The following ARHGAP28 variants were observed in gnomAD, a reference collection of about 807,000 sequenced individuals.
ARHGAP28 encodes rho GTPase-activating protein 28.
Under a neutral mutation model 90.7 loss-of-function variants are expected in ARHGAP28, and 56 were observed. That is an observed-to-expected ratio of 0.62 (90% confidence interval 0.50 to 0.77). ARHGAP28 has a LOEUF of 0.77. ARHGAP28 is among the 30% of genes least tolerant of loss of function. The pLI is 0.00. For synonymous variants in ARHGAP28, 308 were observed against 323.3 expected (o/e 0.95, Z 0.51); for missense variants, 869 against 900.9 (o/e 0.96, Z 0.45).
rs985054739 is a variant in ARHGAP28, at chr18:6,814,419, C to T, written c.123-10343C>T. Among the ~76,000 whole-genome samples the T allele has an allele frequency of 7.2e-5, 11 of 151,966 alleles. No individual in the cohort carries two copies. In the South Asian group the frequency reaches 1.0e-3, roughly 14 times the overall value. On this transcript the variant is annotated intron_variant, in intron 1 of 17. Transcript: ENST00000383472. ...TATTATTGAATTTTTGGAGCTGAAGCGAGAAAACAGACAAAGGAAACTGAA... is the reference window on the plus strand; with the variant it reads ...TATTATTGAATTTTTGGAGCTGAAGTGAGAAAACAGACAAAGGAAACTGAA...
At chr18:6,894,405 A>G (rs62082856) in intron 14 of ARHGAP28, among the ~76,000 whole-genome samples, 5 of 152,232 alleles carry the variant, frequency 3.3e-5, no homozygotes, top group African/African-American at 1.2e-4. Context: ...TTCCCCTTTA[A>G]CATGAATGTA....
At chr18:6,787,374 T>C (rs1377770589) in intron 1 of ARHGAP28, among the ~76,000 whole-genome samples, 1 of 152,124 alleles carries the variant, frequency 6.6e-6, no homozygotes, top group African/African-American at 2.4e-5. Flanking sequence ...TTTATACTAA[T>C]AATATATCAT....
intron 1 of ARHGAP28, among the ~76,000 whole-genome samples, chr18:6,736,384 A>C (rs996115332): frequency 6.6e-6 from 1 of 151,908 alleles, no homozygotes; most frequent in African/African-American, 2.4e-5. Flanking sequence ...CTCTAAAGAT[A>C]GATTTTCTAA....
At chr18:6,816,924 C>T (rs114675864) in intron 1 of ARHGAP28, among the ~76,000 whole-genome samples, 2,919 of 151,358 alleles carry the variant, frequency 0.019, 94 homozygotes, top group African/African-American at 0.067. Flanking sequence ...CTCATCTGTA[C>T]TAAAAACAAA....
In ARHGAP28 at chr18:6,861,788, T is replaced by A. The variant is rs75704596; in HGVS notation, c.726+1891T>A. ...ATTCTTAGCTGCGAATTTCTTCGCA[T>A]CGTTGGTTCATTCAGTCATTCATTC... On this transcript the variant is annotated intron_variant, in intron 5 of 17. Coordinates refer to ENST00000383472, the MANE Select transcript of ARHGAP28 (RefSeq NM_001366230.1). 9.9e-3 allele frequency among the ~76,000 whole-genome samples: 1,509 copies of A among 152,312 alleles called. 21 individuals carry two copies. Among genetic ancestry groups the A allele is most frequent in the African/African-American group, 0.034 (1,419 of 41,552 alleles).
At chr18:6,776,518 C>G (rs2056285126) in intron 1 of ARHGAP28, among the ~76,000 whole-genome samples, 1 of 152,062 alleles carries the variant, frequency 6.6e-6, no homozygotes, top group Non-Finnish European at 1.5e-5. Flanking sequence ...CTGCTGGTCT[C>G]GAGCTCAAGT....
chr18:6,730,179 A>T (rs1003324497), intron 1 of ARHGAP28: 7 of 323,556 alleles, frequency 2.2e-5, no homozygotes, highest in Non-Finnish European at 3.7e-5. Flanking sequence ...ATTAGCAAGC[A>T]GCAGGATTGC....
intron 16 of ARHGAP28, among the ~76,000 whole-genome samples, chr18:6,908,267 A>G (rs1174273564): frequency 6.6e-6 from 1 of 151,946 alleles, no homozygotes; most frequent in African/African-American, 2.4e-5. Context: ...CCTCCTGGGT[A>G]GCTGGAACTA....
At chr18:6,904,795 A>G (rs1475727784) in intron 16 of ARHGAP28, among the ~76,000 whole-genome samples, 1 of 152,190 alleles carries the variant, frequency 6.6e-6, no homozygotes, top group Non-Finnish European at 1.5e-5. Context: ...TTACTGTAAC[A>G]ACTTTATAGC....
At chr18:6,827,982 T>C (rs554314660) in intron 2 of ARHGAP28, among the ~76,000 whole-genome samples, 3 of 152,030 alleles carry the variant, frequency 2.0e-5, no homozygotes, top group East Asian at 2.0e-4. Context: ...CTCGGCACTT[T>C]GGGAGGCCAA....
chr18:6,780,894 CAA>C (rs56272373), intron 1 of ARHGAP28, among the ~76,000 whole-genome samples: 70 of 102,354 alleles, frequency 6.8e-4, no homozygotes, highest in Non-Finnish European at 7.4e-4. Context: ...ACTCCGTCTC[CAA>C]AAAAAAAAAA....
intron 1 of ARHGAP28, among the ~76,000 whole-genome samples, chr18:6,759,055 T>A (rs1033098624): frequency 6.6e-6 from 1 of 152,212 alleles, no homozygotes; most frequent in Admixed American, 6.5e-5. Flanking sequence ...ATACTTAGTA[T>A]GTATGGAGTG....
chr18:6,757,910 G>T (rs1465913764), intron 1 of ARHGAP28, among the ~76,000 whole-genome samples: 5 of 152,110 alleles, frequency 3.3e-5, no homozygotes, highest in Non-Finnish European at 7.4e-5. Flanking sequence ...AGATAAATGA[G>T]CTCTGCCCTT....
In ARHGAP28 at chr18:6,869,250, A is replaced by AT. The variant is rs2057062449; in HGVS notation, c.811+1018dup. 6.0e-4 allele frequency among the ~76,000 whole-genome samples: 62 copies of AT among 103,812 alleles called. 4 individuals are homozygous for AT. The highest frequency in any genetic ancestry group is 6.7e-4 in the Admixed American group (6 of 8,992). The allele number at this position is 103,812 out of a possible 152,430, so 68.1% of individuals were successfully genotyped here. A position where few individuals can be genotyped will look rare whatever the true frequency, so the allele number is the denominator to read the frequency against. On this transcript the variant is annotated intron_variant, in intron 6 of 17. Transcript: ENST00000383472. ...GGAGCATCATAGCTCTCCTTTTGCCATTCTTTTTTTTTTTTTTTTTTTTTT... is the reference window on the plus strand; with the variant it reads ...GGAGCATCATAGCTCTCCTTTTGCCATTTCTTTTTTTTTTTTTTTTTTTTTT...
At chr18:6,861,582 G>T (rs759284077) in intron 5 of ARHGAP28, among the ~76,000 whole-genome samples, 11 of 152,118 alleles carry the variant, frequency 7.2e-5, no homozygotes, top group Admixed American at 6.6e-5. Context: ...ACAAGCAGCA[G>T]CACAGGACTG....
intron 1 of ARHGAP28, among the ~76,000 whole-genome samples, chr18:6,741,218 CTG>C (rs2055974638): frequency 6.6e-6 from 1 of 152,050 alleles, no homozygotes; most frequent in Non-Finnish European, 1.5e-5. Flanking sequence ...AAAGAGCTGA[CTG>C]TAAGTTTCCA....
chr18:6,804,424 T>C (rs2056504180), intron 1 of ARHGAP28, among the ~76,000 whole-genome samples: 1 of 152,156 alleles, frequency 6.6e-6, no homozygotes, highest in East Asian at 1.9e-4. Flanking sequence ...TTCTGTTTTC[T>C]GCTTCATTGT....
chr18:6,800,001 C>G (rs2056470361), intron 1 of ARHGAP28, among the ~76,000 whole-genome samples: 1 of 151,888 alleles, frequency 6.6e-6, no homozygotes, highest in South Asian at 2.1e-4. Context: ...TACAAAGAAC[C>G]TAAGGAAACT....
At chr18:6,861,352 T>A (rs1435335595) in intron 5 of ARHGAP28, among the ~76,000 whole-genome samples, 2 of 152,226 alleles carry the variant, frequency 1.3e-5, no homozygotes, top group African/African-American at 4.8e-5. Flanking sequence ...CTCATTGTTA[T>A]CTTCTGTACT....
Sources: allele counts gnomAD v4.1 joint callset (sites outside exome capture counted in the v4.1 genomes callset), GRCh38; gene constraint gnomAD v4.1.1; transcripts MANE v1.5; gene names NCBI Gene and HGNC (gene_info 2026-07-23, HGNC 2026-07-21).